Variants in UNC13C observed in about 807,000 individuals in gnomAD.
The protein encoded by UNC13C is protein unc-13 homolog C.
UNC13C carries 174 observed loss-of-function variants against 245.4 expected under a neutral mutation model. That is an observed-to-expected ratio of 0.71 (90% CI 0.63 to 0.80). UNC13C has a LOEUF of 0.80. UNC13C is among the 30% of genes least tolerant of loss of function. The pLI is 0.00. For missense variants in UNC13C, 2,829 were observed against 2,602.9 expected (o/e 1.09, Z -1.89); for synonymous variants, 992 against 895.1 (o/e 1.11, Z -1.93).
At position 54,016,150 on chromosome 15, in the gene UNC13C, G is replaced by C. The variant is rs144075870; in HGVS notation, c.2983+264G>C. Among the ~76,000 whole-genome samples, 586 of 152,266 alleles carry C rather than the reference G, an allele frequency of 3.8e-3. 4 individuals are homozygous for C. The highest frequency in any genetic ancestry group is 0.013 in the African/African-American group (560 of 41,560). Reference sequence around the variant, plus strand: ...AACACATTGTGGATCAGATTTCTCTGCTAAATTTAGGCACAAACCCCATTT... The same window carrying C: ...AACACATTGTGGATCAGATTTCTCTCCTAAATTTAGGCACAAACCCCATTT... On this transcript the variant is annotated intron_variant, in intron 2 of 32. Transcript: ENST00000260323.
At chr15:53,968,346 G>T in the UNC13C span, among the ~76,000 whole-genome samples, 1 of 152,140 alleles carries the variant, frequency 6.6e-6, no homozygotes, top group East Asian at 1.9e-4. Flanking sequence ...TAGTGAATTA[G>T]GCAGGGGACC....
At chr15:54,078,340 TTAGGTAGATACC>T (rs1216438188) in intron 2 of UNC13C, among the ~76,000 whole-genome samples, 1 of 152,216 alleles carries the variant, frequency 6.6e-6, no homozygotes, top group Non-Finnish European at 1.5e-5. Context: ...TTATTTTCCT[TTAGGTAGATACC>T]TAGCATTAGG....
At chr15:54,151,040 C>A (rs1036042487) in intron 4 of UNC13C, among the ~76,000 whole-genome samples, 1 of 152,166 alleles carries the variant, frequency 6.6e-6, no homozygotes, top group Non-Finnish European at 1.5e-5. Context: ...TTGATCATCT[C>A]TCTTTCTGGC....
chr15:54,562,591 A>C lies in UNC13C; in HGVS notation c.5959-5209A>C, dbSNP rs569603135. 2.0e-5 allele frequency among the ~76,000 whole-genome samples: 3 copies of C among 152,098 alleles called. No individual in the cohort carries two copies. The South Asian group carries it at 6.2e-4, about 32-fold the overall frequency. On this transcript the variant is annotated intron_variant, in intron 29 of 32. Coordinates refer to ENST00000260323, the MANE Select transcript of UNC13C (RefSeq NM_001080534.3). ...ATTTTTAAGATGCATTATTATTGGA[A>C]ATTTTTGATGAATGTGTCAAAGAAA...
At chr15:54,510,684 T>G (rs912618190) in intron 23 of UNC13C, among the ~76,000 whole-genome samples, 4 of 152,138 alleles carry the variant, frequency 2.6e-5, no homozygotes, top group Non-Finnish European at 5.9e-5. Context: ...AATAAAATCT[T>G]TCCACTGATA....
At chr15:53,894,928 A>G in the UNC13C span, among the ~76,000 whole-genome samples, 3 of 152,300 alleles carry the variant, frequency 2.0e-5, no homozygotes, top group African/African-American at 7.2e-5. Context: ...ATATTCCTTG[A>G]TCACAATTTG....
At chr15:53,942,874 GCTGGCCTCAAGCTC>G in the UNC13C span, among the ~76,000 whole-genome samples, 4 of 152,176 alleles carry the variant, frequency 2.6e-5, no homozygotes, top group African/African-American at 7.2e-5. Context: ...TGTTGCCCAG[GCTGGCCTCAAGCTC>G]CTGGCCTCAA....
chr15:54,135,532 T>A (rs1216172689), intron 2 of UNC13C, among the ~76,000 whole-genome samples: 2 of 152,216 alleles, frequency 1.3e-5, no homozygotes, highest in Middle Eastern at 6.3e-3. Flanking sequence ...ATCTCATTTT[T>A]CCAATACCAT....
At chr15:54,601,419 G>A (rs1300450805) in intron 30 of UNC13C, among the ~76,000 whole-genome samples, 2 of 152,146 alleles carry the variant, frequency 1.3e-5, no homozygotes, top group African/African-American at 4.8e-5. Context: ...AGCACTTGAT[G>A]GTAGGACTGA....
At chr15:54,098,600 T>C (rs1900004323) in intron 2 of UNC13C, among the ~76,000 whole-genome samples, 1 of 151,532 alleles carries the variant, frequency 6.6e-6, no homozygotes, top group Admixed American at 6.6e-5. Context: ...TCACTTCATG[T>C]TTTTTTTTCT....
chr15:54,034,307 C>T (rs1049733089), intron 2 of UNC13C, among the ~76,000 whole-genome samples: 1 of 152,190 alleles, frequency 6.6e-6, no homozygotes, highest in African/African-American at 2.4e-5. Context: ...CACACAATTT[C>T]CTCCTTTTGT....
rs1167998952 is a variant in UNC13C, at chr15:54,500,873, C to T, written c.5196C>T (p.Ser1732=). ...CTGAGCATGCTCTCTTTTCTTGCTCCGTGGTTGATGTCTTTGCTCAGCTGA... is the reference window on the plus strand; with the variant it reads ...CTGAGCATGCTCTCTTTTCTTGCTCTGTGGTTGATGTCTTTGCTCAGCTGA... The part of the protein sequence containing the change: ...QTSEHALFSC[S]VVDVFAQLNQ... The change falls in exon 22 of 33, where the codon TCC becomes TCT. Residue 1732 remains serine, a synonymous_variant. Transcript: ENST00000260323. 8.1e-6 allele frequency: 13 copies of T among 1,612,816 alleles called. No individual in the cohort carries two copies. The highest frequency in any genetic ancestry group is 7.7e-5 in the South Asian group (7 of 91,054).
chr15:54,337,993 A>G lies in UNC13C; in HGVS notation c.4585-368A>G, dbSNP rs151255783. 3.0e-3 allele frequency among the ~76,000 whole-genome samples: 454 copies of G among 152,158 alleles called. 1 individual carries two copies. Among genetic ancestry groups the G allele is most frequent in the Non-Finnish European group, 4.8e-3 (324 of 67,996 alleles). ...ATTTTACGTATTTATTTTATTATCT[A>G]CTTGAACTTAAGCCCATGAGGAAAG... On this transcript the variant is annotated intron_variant, in intron 16 of 32. Transcript: ENST00000260323.
intron 29 of UNC13C, among the ~76,000 whole-genome samples, chr15:54,564,375 T>C (rs889409005): frequency 6.6e-6 from 1 of 151,938 alleles, no homozygotes; most frequent in Non-Finnish European, 1.5e-5. Flanking sequence ...GACCTTTGGG[T>C]TTTCCTCATG....
the UNC13C span, among the ~76,000 whole-genome samples, chr15:53,952,918 C>A: frequency 2.6e-5 from 4 of 151,486 alleles, no homozygotes; most frequent in African/African-American, 9.7e-5. Flanking sequence ...ATTTTTTTTT[C>A]CCCTGAGCGG....
chr15:54,087,636 C>T (rs975880512), intron 2 of UNC13C, among the ~76,000 whole-genome samples: 1 of 152,158 alleles, frequency 6.6e-6, no homozygotes, highest in African/African-American at 2.4e-5. Flanking sequence ...ACAGGTAGAT[C>T]TCCTATGCCA....
intron 19 of UNC13C, among the ~76,000 whole-genome samples, chr15:54,448,505 A>G (rs1046519410): frequency 1.3e-5 from 2 of 152,144 alleles, no homozygotes; most frequent in Non-Finnish European, 2.9e-5. Flanking sequence ...TTCTTGTTGA[A>G]TTGATCCCTT....
At chr15:54,625,460 G>A (rs1901073923) in intron 32 of UNC13C, among the ~76,000 whole-genome samples, 1 of 152,036 alleles carries the variant, frequency 6.6e-6, no homozygotes, top group African/African-American at 2.4e-5. Flanking sequence ...TTACCAAGAT[G>A]GAAGAAGAAA....
intron 4 of UNC13C, among the ~76,000 whole-genome samples, chr15:54,183,604 C>T (rs755345306): frequency 5.1e-4 from 78 of 151,858 alleles, no homozygotes; most frequent in Non-Finnish European, 8.5e-4. Context: ...AAGAAATTTA[C>T]TCACATAGGG....
Sources: allele counts gnomAD v4.1 joint callset (sites outside exome capture counted in the v4.1 genomes callset), GRCh38; gene constraint gnomAD v4.1.1; transcripts MANE v1.5; gene names NCBI Gene and HGNC (gene_info 2026-07-23, HGNC 2026-07-21).